The following FZR1 variants were observed in gnomAD, a reference collection of about 807,000 sequenced individuals.
FZR1 encodes fizzy and cell division cycle 20 related 1.
Under a neutral mutation model 63.6 loss-of-function variants are expected in FZR1, and 11 were observed. The ratio of observed to expected loss-of-function variants is 0.17; its 90% CI spans 0.11 to 0.29. FZR1 has a LOEUF of 0.29. Among genes scored for constraint, FZR1 ranks in the 10% least tolerant of loss-of-function variants. The pLI is 1.00. For missense variants in FZR1, 440 were observed against 687.5 expected (o/e 0.64, Z 4.03); for synonymous variants, 328 against 297.9 (o/e 1.10, Z -1.04).
Position 3,526,492 on chromosome 19 carries a change from C to T in FZR1, c.387+106C>T. The stretch of plus-strand genomic sequence containing the variant: ...GCCTCCCCGAGCCCGGTTCTCGGGC[C>T]CAGCCACGGCTCAGCACCCCCGCCC... On this transcript the variant is annotated intron_variant, in intron 5 of 13. Transcript: ENST00000441788. The surrounding 1 kb of genome is among the most constrained non-coding windows in gnomAD (Gnocchi z 5.4). 1 of 896,996 alleles carries T rather than the reference C, an allele frequency of 1.1e-6. No individual in the cohort carries two copies. Among genetic ancestry groups the T allele is most frequent in the Non-Finnish European group, 1.7e-6 (1 of 585,060 alleles). 55.6% of individuals were successfully genotyped at this position (896,996 alleles called of 1,614,324 possible). A position where few individuals can be genotyped will look rare whatever the true frequency, so the allele number is the denominator to read the frequency against.
At chr19:3,530,373 CGGATGGGTGA>C (rs2083231664) in intron 7 of FZR1, among the ~76,000 whole-genome samples, 2 of 104,228 alleles carry the variant, frequency 1.9e-5, no homozygotes, top group African/African-American at 4.2e-5. Context: ...GATGGGAGAG[CGGATGGGTGA>C]GCAGATGGGT....
chr19:3,522,290 G>A (rs909710921), intron 1 of FZR1, among the ~76,000 whole-genome samples: 12 of 152,100 alleles, frequency 7.9e-5, no homozygotes, highest in African/African-American at 2.9e-4. Flanking sequence ...CGTTCTTTGC[G>A]GTCTCCTCAC....
At chr19:3,510,609 CAG>C (rs2083017677) in intron 1 of FZR1, among the ~76,000 whole-genome samples, 6 of 152,160 alleles carry the variant, frequency 3.9e-5, no homozygotes, top group Admixed American at 3.9e-4. Flanking sequence ...ATGATGGGAG[CAG>C]AGAGAGGGTG....
intron 1 of FZR1, 122 bp from the exon 2 acceptor site, chr19:3,522,834 C>T: frequency 1.5e-6 from 1 of 660,710 alleles, no homozygotes; most frequent in Non-Finnish European, 2.8e-6. Flanking sequence ...AAGATCCCCA[C>T]AGAGGAGCCA....
Position 3,532,450 on chromosome 19 carries a change from G to A in FZR1, c.1042G>A (p.Val348Met), listed in dbSNP as rs762426128. ...CTGGAATCACTCGAGCCTGAGCCCC[G>A]TGCAGCAGTACACGGAGCACCTGGC... Reference protein sequence around the residue: ...LVWNHSSLSPVQQYTEHLAAV... With the variant: ...LVWNHSSLSPMQQYTEHLAAV... The change falls in exon 11 of 14, where the codon GTG becomes ATG. Residue 348 changes from valine to methionine, a missense_variant. Physicochemically the swap from Val to Met is conservative, Grantham distance 21. This residue lies in a region of FZR1 where 208 missense variants were observed against 363.6 expected (regional missense o/e 0.57). Transcript: ENST00000441788. 15 of 1,597,014 alleles carry A rather than the reference G, an allele frequency of 9.4e-6. No individual in the cohort carries two copies. The highest frequency in any genetic ancestry group is 6.9e-5 in the Admixed American group (4 of 57,848).
chr19:3,532,160 C>A (rs2083254451), intron 10 of FZR1, 65 bp downstream of exon 10: 5 of 1,403,386 alleles, frequency 3.6e-6, no homozygotes, highest in Non-Finnish European at 3.8e-6. Context: ...CTGGCAGGAA[C>A]GGAAGAGCCT....
Position 3,526,692 on chromosome 19 carries a change from A to G in FZR1, c.388-288A>G, listed in dbSNP as rs974960010. On this transcript the variant is annotated intron_variant, in intron 5 of 13. Transcript: ENST00000441788. This position sits in a 1 kb window ranked among gnomAD's most constrained non-coding sequence, Gnocchi z 5.4. The stretch of plus-strand genomic sequence containing the variant: ...CCAAGCCGGTGGGGGTCCTGCCCGT[A>G]GGGGGCAGTACTGGGTCCTCCCACA... Among the ~76,000 whole-genome samples, 1 of 150,672 alleles carries G rather than the reference A, an allele frequency of 6.6e-6. No individual in the cohort carries two copies. Among genetic ancestry groups the G allele is most frequent in the Non-Finnish European group, 1.5e-5 (1 of 67,566 alleles).
chr19:3,506,340 G>C lies in FZR1; in HGVS notation c.-169G>C, dbSNP rs1043329132. The C allele has an allele frequency of 1.3e-5, 2 of 151,058 alleles. No individual in the cohort carries two copies. Among genetic ancestry groups the C allele is most frequent in the African/African-American group, 4.8e-5 (2 of 41,270 alleles). 9.4% of individuals were successfully genotyped at this position (151,058 alleles called of 1,614,324 possible). ...GAGGAGCGACCGCCGCCATATTAGG[G>C]ACCGCGGAGCCCGGGATCCCGTCAG... On this transcript the variant is annotated 5_prime_UTR_variant, in exon 1 of 14. Transcript: ENST00000441788.
Position 3,533,346 on chromosome 19 carries a change from C to A in FZR1, c.1295C>A (p.Ser432Tyr). 1 of 1,613,106 alleles carries A rather than the reference C, an allele frequency of 6.2e-7. No individual in the cohort carries two copies. Among genetic ancestry groups the A allele is most frequent in the African/African-American group, 1.3e-5 (1 of 75,048 alleles). ...QNQILVWKYP[S>Y]LTQVAKLTGH... ...CAGATCCTTGTCTGGAAGTACCCCT[C>A]CCTGACCCAGGTGGCCAAGCTGACC... The change falls in exon 12 of 14, where the codon TCC (serine) becomes TAC (tyrosine). Residue 432 changes from serine to tyrosine, a missense_variant. This residue lies in a region of FZR1 where 208 missense variants were observed against 363.6 expected (regional missense o/e 0.57). Coordinates refer to ENST00000441788, the MANE Select transcript of FZR1 (RefSeq NM_016263.4). This position sits in a 1 kb window ranked among gnomAD's most constrained non-coding sequence, Gnocchi z 4.9.
At chr19:3,529,140 G>T (rs1449549185) in intron 7 of FZR1, among the ~76,000 whole-genome samples, 1 of 103,928 alleles carries the variant, frequency 9.6e-6, no homozygotes, top group East Asian at 2.4e-4. Flanking sequence ...ATGGGAGAGC[G>T]GATGGGAGAG....
intron 1 of FZR1, among the ~76,000 whole-genome samples, chr19:3,519,321 G>A (rs928174422): frequency 8.5e-5 from 13 of 152,230 alleles, no homozygotes; most frequent in Admixed American, 2.6e-4. Context: ...TCTGCCCTGC[G>A]GCAGCCGCGT....
chr19:3,521,488 A>G (rs1407062180), intron 1 of FZR1, among the ~76,000 whole-genome samples: 4 of 150,684 alleles, frequency 2.7e-5, no homozygotes, highest in Non-Finnish European at 4.4e-5. Flanking sequence ...AATGTGATTA[A>G]CACCACTGAA....
chr19:3,521,790 G>A (rs909335102), intron 1 of FZR1, among the ~76,000 whole-genome samples: 3 of 151,898 alleles, frequency 2.0e-5, no homozygotes, highest in Admixed American at 6.6e-5. Context: ...GTGAGCCACC[G>A]TGCCTGGCCA....
intron 1 of FZR1, among the ~76,000 whole-genome samples, chr19:3,507,829 G>C (rs1180558712): frequency 6.6e-6 from 1 of 152,242 alleles, no homozygotes; most frequent in Non-Finnish European, 1.5e-5. Context: ...CCTGTGTCAG[G>C]GGCCCGTGTG....
intron 1 of FZR1, among the ~76,000 whole-genome samples, chr19:3,517,855 TC>T: frequency 6.7e-6 from 1 of 149,436 alleles, no homozygotes; most frequent in Non-Finnish European, 1.5e-5. Context: ...TAAACAAAGT[TC>T]TTTTTTTTTT....
In FZR1 at chr19:3,531,936, G is replaced by T; in HGVS notation, c.849G>T (p.Gln283His). Residue 283 changes from glutamine to histidine, a missense_variant, in exon 10 of 14, where the codon CAG (glutamine) becomes CAT (histidine). Gln to His is a conservative substitution (Grantham distance 24, BLOSUM62 0). Coordinates refer to ENST00000441788, the MANE Select transcript of FZR1 (RefSeq NM_016263.4). The stretch of plus-strand genomic sequence containing the variant: ...GGGCGCTGGCCTGGAATGCTGAGCA[G>T]CTGTCGTCCGGGAGCCGCGACCGCA... ...RVGALAWNAE[Q>H]LSSGSRDRMI... The T allele has an allele frequency of 1.9e-6, 3 of 1,593,668 alleles. No homozygotes were observed. Among genetic ancestry groups the T allele is most frequent in the Non-Finnish European group, 2.6e-6 (3 of 1,173,494 alleles).
rs1174080235 is a variant in FZR1, at chr19:3,514,991, A to T, written c.-34-7965A>T. Among the ~76,000 whole-genome samples the T allele has an allele frequency of 2.6e-5, 4 of 152,046 alleles. No homozygotes were observed. The highest frequency in any genetic ancestry group is 4.4e-5 in the Non-Finnish European group (3 of 67,968). ...TGAGCTGGCCCAGGGGGTTTGCAGGACCCACAGGGCAGTGCCCTGCCAAGG... is the reference window on the plus strand; with the variant it reads ...TGAGCTGGCCCAGGGGGTTTGCAGGTCCCACAGGGCAGTGCCCTGCCAAGG... On this transcript the variant is annotated intron_variant, in intron 1 of 13. Coordinates refer to ENST00000441788, the MANE Select transcript of FZR1 (RefSeq NM_016263.4). The surrounding 1 kb of genome is among the most constrained non-coding windows in gnomAD (Gnocchi z 4.2).
chr19:3,529,155 TGGGAGAGCGGTTGGGA>T (rs1568237500), intron 7 of FZR1, among the ~76,000 whole-genome samples: 1,224 of 96,562 alleles, frequency 0.013, 59 homozygotes, highest in African/African-American at 0.043. Context: ...GGAGAGCGGA[TGGGAGAGCGGTTGGGA>T]GAGCGGTTGG....
At chr19:3,532,185 G>A (rs964410764) in intron 10 of FZR1, 90 bp downstream of exon 10, 156 of 1,264,040 alleles carry the variant, frequency 1.2e-4, no homozygotes, top group African/African-American at 7.5e-5. Context: ...TGGGGCGGGC[G>A]CGGGCGCGGG....
Sources: gnomAD v4.1 joint callset for allele counts (sites outside exome capture counted in the v4.1 genomes callset) on GRCh38, gnomAD v4.1.1 for gene constraint, gnomAD v4.1.1 regional missense constraint, Gnocchi (gnomAD v3.1) non-coding constraint, MANE v1.5 for transcripts, NCBI Gene and HGNC (gene_info 2026-07-23, HGNC 2026-07-21) for gene names.